KHDRBS2: variants seen among roughly 807,000 people sequenced by gnomAD.
The protein encoded by KHDRBS2 is KH domain-containing, RNA-binding, signal transduction-associated protein 2.
In KHDRBS2, 26 loss-of-function variants were observed where a neutral mutation model predicts 44.3. The observed-to-expected ratio is 0.59, with a 90% confidence interval of 0.43 to 0.81. KHDRBS2 has a LOEUF of 0.81. KHDRBS2 is among the 40% of genes least tolerant of loss of function. The probability of loss-of-function intolerance (pLI) is 0.00; values close to 1 mark genes in which losing one functional copy is unlikely to be tolerated. For synonymous variants in KHDRBS2, 194 were observed against 151.1 expected, an observed-to-expected ratio of 1.28 and a Z score of -2.08; for missense variants, 476 against 433.1, an observed-to-expected ratio of 1.10 and a Z score of -0.88.
At chr6:62,117,827 G>A (rs1806639510) in intron 2 of KHDRBS2, among the ~76,000 whole-genome samples, 1 of 151,962 alleles carries the variant, frequency 6.6e-6, no homozygotes, top group South Asian at 2.1e-4. Flanking sequence ...CCAGGCTGGA[G>A]TGCAGTGGCG....
intron 2 of KHDRBS2, among the ~76,000 whole-genome samples, chr6:62,130,620 T>C (rs1172947439): frequency 2.0e-5 from 3 of 151,988 alleles, no homozygotes; most frequent in Admixed American, 1.3e-4. Flanking sequence ...GAATAATATA[T>C]AGATGCTCCT....
At chr6:62,082,392 C>T (rs208972) in intron 2 of KHDRBS2, among the ~76,000 whole-genome samples, 120,369 of 151,646 alleles carry the variant, frequency 0.79, 48,340 homozygotes, top group African/African-American at 0.91. Context: ...ATATTTTGCA[C>T]ATTTATGATA....
chr6:62,177,757 G>A (rs951906068), intron 1 of KHDRBS2, among the ~76,000 whole-genome samples: 2 of 151,072 alleles, frequency 1.3e-5, no homozygotes, highest in African/African-American at 2.4e-5. Flanking sequence ...AATTAAAATG[G>A]TAATTATTCA....
intron 6 of KHDRBS2, among the ~76,000 whole-genome samples, chr6:61,859,772 G>A (rs1272465345): frequency 5.3e-5 from 8 of 151,918 alleles, no homozygotes; most frequent in African/African-American, 2.4e-5. Flanking sequence ...TTTAACATAT[G>A]TATATAAATA....
chr6:61,769,577 C>T (rs1375070858), intron 6 of KHDRBS2, among the ~76,000 whole-genome samples: 1 of 152,158 alleles, frequency 6.6e-6, no homozygotes, highest in African/African-American at 2.4e-5. Context: ...GAGTCTCGCT[C>T]ATTGCTAGCA....
chr6:61,989,202 T>G (rs1340282593), intron 3 of KHDRBS2, among the ~76,000 whole-genome samples: 1 of 152,200 alleles, frequency 6.6e-6, no homozygotes, highest in East Asian at 1.9e-4. Context: ...GATAGGCCTT[T>G]TGTCAGGTTT....
chr6:61,911,909 C>T (rs1289131947), intron 4 of KHDRBS2, among the ~76,000 whole-genome samples: 1 of 151,800 alleles, frequency 6.6e-6, no homozygotes, highest in Non-Finnish European at 1.5e-5. Context: ...ACCCTGCATA[C>T]TATTCATACT....
At chr6:62,066,212 T>C (rs1793686436) in intron 2 of KHDRBS2, among the ~76,000 whole-genome samples, 1 of 151,728 alleles carries the variant, frequency 6.6e-6, no homozygotes, top group Non-Finnish European at 1.5e-5. Flanking sequence ...CAAACCCTAT[T>C]TTTTCAGCCT....
At chr6:62,070,577 A>G (rs1441872257) in intron 2 of KHDRBS2, among the ~76,000 whole-genome samples, 1 of 151,862 alleles carries the variant, frequency 6.6e-6, no homozygotes, top group Non-Finnish European at 1.5e-5. Context: ...CCTATGAGTG[A>G]GAACACGCGG....
In KHDRBS2 at chr6:62,060,794, A is replaced by T. The variant is rs79180382; in HGVS notation, c.220-12800T>A. 6.7e-3 allele frequency among the ~76,000 whole-genome samples: 1,019 copies of T among 152,020 alleles called. 16 individuals are homozygous for T. Among genetic ancestry groups the T allele is most frequent in the African/African-American group, 0.022 (929 of 41,534 alleles). On this transcript the variant is annotated intron_variant, in intron 2 of 8. Coordinates refer to ENST00000281156, the MANE Select transcript of KHDRBS2 (RefSeq NM_152688.4). ...TGAAGAAAGTACACATAGTTGGAGA[A>T]TATAATTCATTTATACTAAGTAGAA...
At chr6:61,888,399 A>T (rs1801289941) in intron 6 of KHDRBS2, among the ~76,000 whole-genome samples, 1 of 152,192 alleles carries the variant, frequency 6.6e-6, no homozygotes, top group African/African-American at 2.4e-5. Context: ...AGCTGAACAT[A>T]AAAACATGGC....
At chr6:61,896,281 G>A (rs1418321861) in intron 5 of KHDRBS2, among the ~76,000 whole-genome samples, 14 of 152,152 alleles carry the variant, frequency 9.2e-5, no homozygotes, top group Non-Finnish European at 2.9e-5. Flanking sequence ...AAATATCCAT[G>A]TGTGGGCAAT....
At chr6:62,178,253 A>C (rs1048800545) in intron 1 of KHDRBS2, among the ~76,000 whole-genome samples, 1 of 151,586 alleles carries the variant, frequency 6.6e-6, no homozygotes, top group African/African-American at 2.4e-5. Context: ...GAGAAGACTA[A>C]GAAGAGCTTA....
chr6:61,597,773 T>TATATATAGATATACAC, the KHDRBS2 span, among the ~76,000 whole-genome samples: 1 of 42,330 alleles, frequency 2.4e-5, no homozygotes, highest in Non-Finnish European at 4.8e-5. Context: ...TATATATATA[T>TATATATAGATATACAC]ACACCAAGAT....
chr6:61,585,266 A>T, the KHDRBS2 span, among the ~76,000 whole-genome samples: 1 of 151,998 alleles, frequency 6.6e-6, no homozygotes, highest in Non-Finnish European at 1.5e-5. Context: ...TGGTTTTTAA[A>T]AAGTCCTCAA....
Position 61,894,820 on chromosome 6 carries a change from C to T in KHDRBS2, c.625G>A (p.Ala209Thr). Reference protein sequence around the residue: ...PTAPSRGRGGAIPPPPPPGRG... With the variant: ...PTAPSRGRGGTIPPPPPPGRG... ...CCAGGTGGTGGGGGAGGAGGAATGG[C>T]ACCCCCACGGCCCCTAAGAGAAACA... Residue 209 changes from alanine to threonine, a missense_variant, in exon 6 of 9, where the codon GCC becomes ACC. By Grantham distance (58) the Ala-to-Thr change is moderately conservative. Transcript: ENST00000281156. 1 of 1,611,854 alleles carries T rather than the reference C, an allele frequency of 6.2e-7. No homozygotes were observed. The highest frequency in any genetic ancestry group is 8.5e-7 in the Non-Finnish European group (1 of 1,179,232).
chr6:62,007,868 A>G (rs1189628585), intron 3 of KHDRBS2, among the ~76,000 whole-genome samples: 1 of 152,234 alleles, frequency 6.6e-6, no homozygotes. Flanking sequence ...ACAATAAACT[A>G]GAACACATAT....
intron 4 of KHDRBS2, among the ~76,000 whole-genome samples, chr6:61,922,669 A>G (rs1808276442): frequency 6.6e-6 from 1 of 152,106 alleles, no homozygotes; most frequent in Non-Finnish European, 1.5e-5. Flanking sequence ...GACTGCTCAG[A>G]AAGATCTTGC....
chr6:62,224,702 T>TA (rs1247292824), intron 1 of KHDRBS2, among the ~76,000 whole-genome samples: 3 of 152,194 alleles, frequency 2.0e-5, no homozygotes, highest in African/African-American at 4.8e-5. Context: ...TATGAAGTGT[T>TA]AAAGAGCACA....
Sources: allele counts gnomAD v4.1 joint callset (sites outside exome capture counted in the v4.1 genomes callset), GRCh38; gene constraint gnomAD v4.1.1; transcripts MANE v1.5; gene names NCBI Gene and HGNC (gene_info 2026-07-23, HGNC 2026-07-21).